The following TGFBR3 variants were observed in gnomAD, a reference collection of about 807,000 sequenced individuals.
TGFBR3 encodes the protein transforming growth factor beta receptor 3.
In TGFBR3, 46 loss-of-function variants were observed where a neutral mutation model predicts 87.9. The observed-to-expected ratio is 0.52, with a 90% CI of 0.41 to 0.67. The LOEUF (loss-of-function observed/expected upper bound fraction) is 0.67, where lower values mean the gene tolerates loss of function less well. TGFBR3 is among the 30% of genes least tolerant of loss of function. TGFBR3 has a pLI of 0.00. For missense variants in TGFBR3, 866 were observed against 1,041.9 expected, an observed-to-expected ratio of 0.83 and a Z score of 2.32; for synonymous variants, 381 against 391.6, an observed-to-expected ratio of 0.97 and a Z score of 0.32.
In TGFBR3 at chr1:91,766,740, C is replaced by T. The variant is rs375137721; in HGVS notation, c.247-7990G>A. Among the ~76,000 whole-genome samples the T allele has an allele frequency of 7.5e-5, 10 of 133,600 alleles. 1 individual carries two copies. The highest frequency in any genetic ancestry group is 2.8e-4 in the African/African-American group (10 of 35,646). 87.6% of individuals were successfully genotyped at this position (133,600 alleles called of 152,430 possible). ...ATTCTCACCATTTGCATCCCCATTGCTCCTATAGATAGATAGGATGTCTGA... is the reference window on the plus strand; with the variant it reads ...ATTCTCACCATTTGCATCCCCATTGTTCCTATAGATAGATAGGATGTCTGA... On this transcript the variant is annotated intron_variant, in intron 3 of 16. Transcript: ENST00000212355.
Position 91,825,258 on chromosome 1 carries a change from G to A in TGFBR3, c.62-27787C>T, listed in dbSNP as rs17886362. Among the ~76,000 whole-genome samples the A allele has an allele frequency of 6.4e-3, 979 of 152,310 alleles. 5 individuals carry two copies. Among genetic ancestry groups the A allele is most frequent in the Non-Finnish European group, 0.01 (705 of 68,036 alleles). ...ATGCAAACGTTCATTAACTGATGAT[G>A]AATTTTTTAATGTGGTATATACATA... On this transcript the variant is annotated intron_variant, in intron 2 of 16. Transcript: ENST00000212355.
chr1:91,745,886 G>C (rs1204458837), intron 4 of TGFBR3, among the ~76,000 whole-genome samples: 1 of 152,174 alleles, frequency 6.6e-6, no homozygotes, highest in Non-Finnish European at 1.5e-5. Context: ...TGCCAATCAT[G>C]CATTCATGAA....
At chr1:91,827,976 A>G (rs1294616995) in intron 2 of TGFBR3, among the ~76,000 whole-genome samples, 3 of 152,214 alleles carry the variant, frequency 2.0e-5, no homozygotes, top group South Asian at 2.1e-4. Context: ...GTAACTATGA[A>G]TGGATGCAGA....
At chr1:91,808,128 A>C (rs535001585) in intron 2 of TGFBR3, among the ~76,000 whole-genome samples, 9 of 149,984 alleles carry the variant, frequency 6.0e-5, no homozygotes, top group African/African-American at 2.3e-4. Flanking sequence ...GGAAAGACTT[A>C]AAATAAAACT....
At chr1:91,733,627 A>G (rs11582136) in intron 5 of TGFBR3, among the ~76,000 whole-genome samples, 15,423 of 152,212 alleles carry the variant, frequency 0.1, 1,003 homozygotes, top group East Asian at 0.25. Context: ...GATGCTGAAG[A>G]CCTTAAACGC....
At chr1:91,788,030 A>C (rs2100984294) in intron 3 of TGFBR3, among the ~76,000 whole-genome samples, 1 of 152,228 alleles carries the variant, frequency 6.6e-6, no homozygotes, top group South Asian at 2.1e-4. Flanking sequence ...GAACCAGGAA[A>C]CCAAGAGGGA....
intron 1 of TGFBR3, among the ~76,000 whole-genome samples, chr1:91,872,456 T>C (rs17881611): frequency 0.017 from 2,653 of 152,296 alleles, 67 homozygotes; most frequent in African/African-American, 0.05. Flanking sequence ...TTTTAAAGAA[T>C]CCGTTCTCCA....
chr1:91,771,128 C>T (rs1674363213), intron 3 of TGFBR3, among the ~76,000 whole-genome samples: 1 of 152,192 alleles, frequency 6.6e-6, no homozygotes, highest in Admixed American at 6.5e-5. Flanking sequence ...CTGCACCCTC[C>T]TCCTTTTATC....
intron 4 of TGFBR3, among the ~76,000 whole-genome samples, chr1:91,756,681 G>A (rs921850552): frequency 1.3e-5 from 2 of 152,108 alleles, no homozygotes; most frequent in African/African-American, 4.8e-5. Context: ...CCCAGAAAAG[G>A]CTACAATAAA....
chr1:91,858,723 A>G (rs1678062871), intron 2 of TGFBR3, among the ~76,000 whole-genome samples: 1 of 151,386 alleles, frequency 6.6e-6, no homozygotes, highest in African/African-American at 2.4e-5. Context: ...AGGCATCCAT[A>G]CCTCTGTGCT....
At chr1:91,818,323 G>A (rs1333497659) in intron 2 of TGFBR3, among the ~76,000 whole-genome samples, 1 of 102,966 alleles carries the variant, frequency 9.7e-6, no homozygotes. Context: ...TTTTTTTTTA[G>A]GAAAGTTTAG....
chr1:91,877,805 T>TG (rs2101270910), intron 1 of TGFBR3, among the ~76,000 whole-genome samples: 1 of 152,350 alleles, frequency 6.6e-6, no homozygotes, highest in South Asian at 2.1e-4. Flanking sequence ...AATGGGCTGT[T>TG]GGCATAAGTA....
intron 3 of TGFBR3, among the ~76,000 whole-genome samples, chr1:91,784,761 C>T (rs1411467716): frequency 1.3e-5 from 2 of 152,174 alleles, no homozygotes; most frequent in Non-Finnish European, 2.9e-5. Flanking sequence ...ATCTATACAT[C>T]AAGGGATCCG....
chr1:91,733,461 G>A (rs1276870333), intron 5 of TGFBR3, among the ~76,000 whole-genome samples: 8 of 152,166 alleles, frequency 5.3e-5, no homozygotes, highest in Admixed American at 1.3e-4. Context: ...CATCCTCTCC[G>A]ACGTCCACGT....
At chr1:91,850,780 CAAAAAAAAAAAAAA>C (rs61025683) in intron 2 of TGFBR3, among the ~76,000 whole-genome samples, 1 of 58,418 alleles carries the variant, frequency 1.7e-5, no homozygotes, top group South Asian at 6.2e-4. Flanking sequence ...GACCCTGTCT[CAAAAAAAAAAAAAA>C]AAAAAAAAAA....
At chr1:91,880,940 G>A (rs1679060392) in intron 1 of TGFBR3, among the ~76,000 whole-genome samples, 1 of 150,472 alleles carries the variant, frequency 6.6e-6, no homozygotes, top group Non-Finnish European at 1.5e-5. Flanking sequence ...ATATGAATAA[G>A]TATATAAATA....
chr1:91,821,872 C>A (rs1676464076), intron 2 of TGFBR3, among the ~76,000 whole-genome samples: 1 of 152,214 alleles, frequency 6.6e-6, no homozygotes, highest in Non-Finnish European at 1.5e-5. Flanking sequence ...CAATAAATGG[C>A]AGCTTTTATC....
chr1:91,861,697 C>T (rs961217185), intron 1 of TGFBR3, 53 bp from the exon 2 acceptor site: 7 of 673,142 alleles, frequency 1.0e-5, no homozygotes, highest in East Asian at 8.5e-5. Context: ...CATAAACAAA[C>T]AGACACTAAA....
chr1:91,885,020 C>A (rs1262656103), intron 1 of TGFBR3, among the ~76,000 whole-genome samples: 3 of 152,246 alleles, frequency 2.0e-5, no homozygotes, highest in Non-Finnish European at 4.4e-5. Flanking sequence ...GCGGTGCTTA[C>A]TCGGTGCCAA....
Sources: gnomAD v4.1 joint callset for allele counts (sites outside exome capture counted in the v4.1 genomes callset) on GRCh38, gnomAD v4.1.1 for gene constraint, MANE v1.5 for transcripts, NCBI Gene and HGNC (gene_info 2026-07-23, HGNC 2026-07-21) for gene names.